GFOD1: variants seen among roughly 807,000 people sequenced by gnomAD.
GFOD1 encodes glucose-fructose oxidoreductase domain-containing protein 1.
GFOD1 carries 9 observed loss-of-function variants against 25.4 expected under a neutral mutation model. The observed-to-expected ratio is 0.35, with a 90% CI of 0.21 to 0.62. The LOEUF (loss-of-function observed/expected upper bound fraction) is 0.62, where lower values mean the gene tolerates loss of function less well. Ranked by LOEUF, GFOD1 falls within the 20% of genes least tolerant of loss-of-function variation. GFOD1 has a pLI of 0.72. For missense variants in GFOD1, 403 were observed against 556.9 expected (o/e 0.72, Z 2.78); for synonymous variants, 253 against 245.6 (o/e 1.03, Z -0.28).
In GFOD1 at chr6:13,376,208, C is replaced by T. The variant is rs917926497; in HGVS notation, c.254-10546G>A. On this transcript the variant is annotated intron_variant, in intron 1 of 1. Transcript: ENST00000379287. ...AGTCTAAGGAGGCAGGGAGGTGGGA[C>T]GGGGGCAAGAGGTCCCATGGGAGAA... 5.9e-5 allele frequency among the ~76,000 whole-genome samples: 9 copies of T among 152,202 alleles called. No homozygotes were observed. The East Asian group carries it at 9.7e-4, about 16-fold the overall frequency.
intron 1 of GFOD1, among the ~76,000 whole-genome samples, chr6:13,373,778 C>CT (rs10717560): frequency 9.6e-4 from 120 of 125,412 alleles, no homozygotes; most frequent in African/African-American, 1.7e-3. Flanking sequence ...ACACACTACG[C>CT]TTTTTTTTTT....
intron 1 of GFOD1, among the ~76,000 whole-genome samples, chr6:13,440,637 G>C (rs886120026): frequency 2.0e-5 from 3 of 152,308 alleles, no homozygotes; most frequent in Middle Eastern, 3.4e-3. Flanking sequence ...TTTCAGGACT[G>C]GCTGGGTCTC....
In GFOD1 at chr6:13,487,311, G is replaced by C. The variant is rs1347079331; in HGVS notation, c.-421C>G. On this transcript the variant is annotated 5_prime_UTR_variant, in exon 1 of 2. Coordinates refer to ENST00000379287, the MANE Select transcript of GFOD1 (RefSeq NM_018988.4). This position sits in a 1 kb window ranked among gnomAD's most constrained non-coding sequence, Gnocchi z 4.9. ...CGCAGCCCGGGACCGGCTCTCTCCC[G>C]CGTCGTTTGCGCAGCCGGCGAATCG... 5.7e-6 allele frequency: 1 copy of C among 175,808 alleles called. No homozygotes were observed. Among genetic ancestry groups the C allele is most frequent in the Non-Finnish European group, 1.2e-5 (1 of 84,642 alleles). The allele number at this position is 175,808 out of a possible 1,614,324, so 10.9% of individuals were successfully genotyped here.
At chr6:13,409,388 GAAGGA>G (rs759372055) in intron 1 of GFOD1, among the ~76,000 whole-genome samples, 18 of 149,856 alleles carry the variant, frequency 1.2e-4, no homozygotes, top group Non-Finnish European at 2.4e-4. Flanking sequence ...AGGAAGGAAG[GAAGGA>G]AAAAAACAAT....
intron 1 of GFOD1, among the ~76,000 whole-genome samples, chr6:13,408,810 T>C (rs476047): frequency 0.98 from 149,735 of 152,134 alleles, 73,736 homozygotes; most frequent in Middle Eastern, 1. Flanking sequence ...CACAGGCCAG[T>C]GTGGTGGCTC....
At chr6:13,396,091 C>G (rs1422024256) in intron 1 of GFOD1, among the ~76,000 whole-genome samples, 1 of 152,172 alleles carries the variant, frequency 6.6e-6, no homozygotes, top group Non-Finnish European at 1.5e-5. Flanking sequence ...TTTTAGTAAC[C>G]ATGTAATCAC....
intron 1 of GFOD1, among the ~76,000 whole-genome samples, chr6:13,429,709 A>T (rs1375452468): frequency 6.6e-6 from 1 of 152,224 alleles, no homozygotes; most frequent in Non-Finnish European, 1.5e-5. Context: ...GTTGGCAAAG[A>T]GCATCTTTCT....
Position 13,486,646 on chromosome 6 carries a change from T to C in GFOD1, c.245A>G (p.Lys82Arg), listed in dbSNP as rs772840825. Reference protein sequence around the residue: ...PPPLTRQIAVKTLGIGKNVIC... With the variant: ...PPPLTRQIAVRTLGIGKNVIC... The stretch of plus-strand genomic sequence containing the variant: ...GGGTAGGGGTCGCTCACCTAGGGTT[T>C]TGACAGCGATCTGTCTGGTGAGGGG... The change falls in exon 1 of 2, where the codon AAA (lysine) becomes AGA (arginine). Residue 82 changes from lysine to arginine, a missense_variant. Coordinates refer to ENST00000379287, the MANE Select transcript of GFOD1 (RefSeq NM_018988.4). 6.2e-7 allele frequency: 1 copy of C among 1,614,056 alleles called. No individual in the cohort carries two copies. Among genetic ancestry groups the C allele is most frequent in the East Asian group, 2.2e-5 (1 of 44,870 alleles).
intron 1 of GFOD1, among the ~76,000 whole-genome samples, chr6:13,393,654 T>C (rs1323722694): frequency 1.3e-5 from 2 of 152,148 alleles, no homozygotes; most frequent in Admixed American, 6.5e-5. Flanking sequence ...CTTGAGTTTT[T>C]AATTTTTAAA....
chr6:13,457,134 G>A (rs1346321679), intron 1 of GFOD1, among the ~76,000 whole-genome samples: 1 of 152,160 alleles, frequency 6.6e-6, no homozygotes, highest in Non-Finnish European at 1.5e-5. Flanking sequence ...AAAACAGACT[G>A]CAAAAGGAGC....
chr6:13,366,629 C>T lies in GFOD1; in HGVS notation c.254-967G>A, dbSNP rs538423957. The stretch of plus-strand genomic sequence containing the variant: ...GATTACAGGCGTGAGCCACTGCGCC[C>T]AGCCATTTTTTTTTTTTAAAAGAGA... On this transcript the variant is annotated intron_variant, in intron 1 of 1. Coordinates refer to ENST00000379287, the MANE Select transcript of GFOD1 (RefSeq NM_018988.4). Among the ~76,000 whole-genome samples, 128 of 151,910 alleles carry T rather than the reference C, an allele frequency of 8.4e-4. 4 individuals are homozygous for T. The highest frequency in any genetic ancestry group is 8.2e-3 in the Admixed American group (125 of 15,272).
At chr6:13,484,287 T>C (rs1172743140) in intron 1 of GFOD1, among the ~76,000 whole-genome samples, 1 of 152,152 alleles carries the variant, frequency 6.6e-6, no homozygotes, top group African/African-American at 2.4e-5. Flanking sequence ...AAAAGGACAA[T>C]TTACCAGGAT....
chr6:13,367,497 T>TGGCCA (rs2127555056), intron 1 of GFOD1, among the ~76,000 whole-genome samples: 2 of 152,276 alleles, frequency 1.3e-5, no homozygotes, highest in Admixed American at 1.3e-4. Flanking sequence ...GGGTGGGGTA[T>TGGCCA]GTTGCTTTTG....
intron 1 of GFOD1, among the ~76,000 whole-genome samples, chr6:13,475,233 G>A (rs1451588773): frequency 6.6e-6 from 1 of 152,092 alleles, no homozygotes; most frequent in Non-Finnish European, 1.5e-5. Context: ...GCAAACCAAA[G>A]TCCTAACAAG....
chr6:13,425,758 A>C (rs539010917), intron 1 of GFOD1, among the ~76,000 whole-genome samples: 38 of 152,198 alleles, frequency 2.5e-4, no homozygotes, highest in African/African-American at 7.7e-4. Context: ...CAGGTTCAGG[A>C]AAAGGGTCTA....
intron 1 of GFOD1, among the ~76,000 whole-genome samples, chr6:13,484,856 G>A (rs180890864): frequency 1.3e-5 from 2 of 152,312 alleles, no homozygotes; most frequent in Admixed American, 1.3e-4. Context: ...CTTTATGGTG[G>A]AGAAACGATG....
intron 1 of GFOD1, among the ~76,000 whole-genome samples, chr6:13,374,273 T>TTTTTTTGTG (rs1554199406): frequency 2.2e-5 from 3 of 134,384 alleles, no homozygotes; most frequent in African/African-American, 5.8e-5. Context: ...TGTTTTTTTT[T>TTTTTTTGTG]TGTGTGTGTG....
intron 1 of GFOD1, among the ~76,000 whole-genome samples, chr6:13,412,317 C>T (rs1041460075): frequency 3.9e-5 from 6 of 152,148 alleles, no homozygotes; most frequent in African/African-American, 1.4e-4. Flanking sequence ...GACGCAGACA[C>T]AACAGAGGGA....
In GFOD1 at chr6:13,458,149, GCT is replaced by G. The variant is rs372724663; in HGVS notation, c.253+28487_253+28488del. 2.5e-4 allele frequency among the ~76,000 whole-genome samples: 38 copies of G among 152,188 alleles called. No homozygotes were observed. The East Asian group carries it at 6.8e-3, about 27-fold the overall frequency. ...TTGTTGTTGTTTGAGATGGAGTCTA[GCT>G]CTGTTGCCCAGGCTGGAGTGCAGTG... On this transcript the variant is annotated intron_variant, in intron 1 of 1. Coordinates refer to ENST00000379287, the MANE Select transcript of GFOD1 (RefSeq NM_018988.4).
Sources: allele counts gnomAD v4.1 joint callset (sites outside exome capture counted in the v4.1 genomes callset), GRCh38; gene constraint gnomAD v4.1.1; non-coding constraint Gnocchi (gnomAD v3.1); transcripts MANE v1.5; gene names NCBI Gene and HGNC (gene_info 2026-07-23, HGNC 2026-07-21).